The following CDH8 variants were observed in gnomAD, a reference collection of about 807,000 sequenced individuals.
The protein encoded by CDH8 is cadherin-8.
A neutral mutation model predicts 68.1 loss-of-function variants in CDH8; 17 were observed. The observed-to-expected ratio is 0.25, with a 90% CI of 0.17 to 0.37. The LOEUF (loss-of-function observed/expected upper bound fraction) is 0.37, where lower values mean the gene tolerates loss of function less well. CDH8 is among the 10% of genes least tolerant of loss of function. CDH8 has a pLI of 1.00. For synonymous variants in CDH8, 372 were observed against 365.1 expected (o/e 1.02, Z -0.21); for missense variants, 763 against 999.3 (o/e 0.76, Z 3.19).
At chr16:61,690,240 G>C (rs1197349677) in intron 10 of CDH8, among the ~76,000 whole-genome samples, 1 of 152,038 alleles carries the variant, frequency 6.6e-6, no homozygotes, top group Non-Finnish European at 1.5e-5. Flanking sequence ...TCTAAAGATA[G>C]ATTCTAAAGG....
At chr16:61,697,336 C>G (rs1415136120) in intron 10 of CDH8, among the ~76,000 whole-genome samples, 1 of 152,080 alleles carries the variant, frequency 6.6e-6, no homozygotes, top group Non-Finnish European at 1.5e-5. Context: ...ACATGTCACC[C>G]TTATGCAGAC....
chr16:61,769,831 T>C (rs1318854696), intron 8 of CDH8, among the ~76,000 whole-genome samples: 1 of 151,940 alleles, frequency 6.6e-6, no homozygotes, highest in Non-Finnish European at 1.5e-5. Flanking sequence ...TATTCTATGA[T>C]TGCTATTTTT....
chr16:61,695,916 T>A (rs1180816210), intron 10 of CDH8, among the ~76,000 whole-genome samples: 1 of 152,120 alleles, frequency 6.6e-6, no homozygotes, highest in Non-Finnish European at 1.5e-5. Context: ...CAAATTTTGA[T>A]CTATCTGTAG....
chr16:61,921,133 T>G, intron 2 of CDH8, among the ~76,000 whole-genome samples: 1 of 144,080 alleles, frequency 6.9e-6, no homozygotes, highest in African/African-American at 2.5e-5. Context: ...AGGGATAGCA[T>G]TGGGAGATAT....
intron 8 of CDH8, among the ~76,000 whole-genome samples, chr16:61,777,631 G>A (rs1006906572): frequency 5.3e-5 from 8 of 152,270 alleles, no homozygotes; most frequent in Non-Finnish European, 1.0e-4. Flanking sequence ...GAAAGGAAGA[G>A]GTGGTGGGAG....
chr16:61,814,013 GT>G (rs1159852414), intron 7 of CDH8, among the ~76,000 whole-genome samples: 1 of 152,216 alleles, frequency 6.6e-6, no homozygotes, highest in East Asian at 1.9e-4. Flanking sequence ...TAAGTTTTAG[GT>G]TCTTAATTTG....
chr16:61,666,933 C>A (rs1963691391), intron 10 of CDH8, among the ~76,000 whole-genome samples: 2 of 151,962 alleles, frequency 1.3e-5, no homozygotes, highest in African/African-American at 2.4e-5. Context: ...ATTATAGCAT[C>A]CACACTTCAT....
At position 61,652,227 on chromosome 16, in the gene CDH8, T is replaced by C. The variant is rs909718910; in HGVS notation, c.*1381A>G. ...CACATCTTCTAGTGCTGTTCCTTTT[T>C]GGAGTCTAAGACATTCTGTGCATCA... On this transcript the variant is annotated 3_prime_UTR_variant, in exon 12 of 12. Coordinates refer to ENST00000577390, the MANE Select transcript of CDH8 (RefSeq NM_001796.5). The C allele has an allele frequency of 2.0e-6, 2 of 983,684 alleles. No individual in the cohort carries two copies. The highest frequency in any genetic ancestry group is 6.2e-5 in the Admixed American group (1 of 16,254). 60.9% of individuals were successfully genotyped at this position (983,684 alleles called of 1,614,324 possible).
chr16:61,852,746 T>C (rs931913472), intron 4 of CDH8, among the ~76,000 whole-genome samples: 10 of 151,848 alleles, frequency 6.6e-5, no homozygotes, highest in Non-Finnish European at 1.2e-4. Flanking sequence ...GTGGCAAGCT[T>C]TTCTCTTTCT....
chr16:61,929,942 C>T (rs1964514446), intron 2 of CDH8, among the ~76,000 whole-genome samples: 1 of 152,052 alleles, frequency 6.6e-6, no homozygotes, highest in Non-Finnish European at 1.5e-5. Context: ...ATGTCAATTA[C>T]ATGACTCAGC....
chr16:61,689,831 A>T (rs1264243926), intron 10 of CDH8, among the ~76,000 whole-genome samples: 1 of 150,970 alleles, frequency 6.6e-6, no homozygotes, highest in Non-Finnish European at 1.5e-5. Context: ...TTACTAATAC[A>T]TTTTTTTTTC....
intron 8 of CDH8, among the ~76,000 whole-genome samples, chr16:61,765,200 T>C (rs1223235785): frequency 6.6e-6 from 1 of 152,050 alleles, no homozygotes; most frequent in Non-Finnish European, 1.5e-5. Context: ...ATTAAGTGCA[T>C]AAATCAAATT....
At chr16:61,733,417 G>T (rs1959588679) in intron 8 of CDH8, among the ~76,000 whole-genome samples, 1 of 151,726 alleles carries the variant, frequency 6.6e-6, no homozygotes, top group Non-Finnish European at 1.5e-5. Context: ...TATGCTGTAG[G>T]ATTTGACATC....
At chr16:61,887,887 G>A (rs1381174602) in intron 3 of CDH8, among the ~76,000 whole-genome samples, 3 of 152,104 alleles carry the variant, frequency 2.0e-5, no homozygotes, top group African/African-American at 7.2e-5. Flanking sequence ...TCTACACAGT[G>A]TTTTACATGT....
At chr16:61,694,139 T>C (rs1367792561) in intron 10 of CDH8, among the ~76,000 whole-genome samples, 2 of 152,144 alleles carry the variant, frequency 1.3e-5, no homozygotes, top group African/African-American at 2.4e-5. Flanking sequence ...AATTGACTTT[T>C]GTTTGTTTGT....
chr16:61,718,701 C>A (rs1596896235), intron 9 of CDH8, among the ~76,000 whole-genome samples: 1 of 151,138 alleles, frequency 6.6e-6, no homozygotes, highest in African/African-American at 2.4e-5. Flanking sequence ...CATGAATGAG[C>A]TTTATATGGC....
chr16:61,897,818 A>AAT (rs1240071047), intron 3 of CDH8, among the ~76,000 whole-genome samples: 11 of 152,112 alleles, frequency 7.2e-5, no homozygotes, highest in Non-Finnish European at 1.5e-5. Context: ...AAAAAAGTGA[A>AAT]ATATATATAT....
chr16:61,702,062 T>C (rs1475802787), intron 10 of CDH8, among the ~76,000 whole-genome samples: 1 of 152,136 alleles, frequency 6.6e-6, no homozygotes, highest in Non-Finnish European at 1.5e-5. Context: ...CACTGTTGTC[T>C]TCCTAAGAAT....
At chr16:61,690,808 C>T (rs1189408545) in intron 10 of CDH8, among the ~76,000 whole-genome samples, 1 of 151,968 alleles carries the variant, frequency 6.6e-6, no homozygotes, top group Non-Finnish European at 1.5e-5. Flanking sequence ...TTTTTCCTAA[C>T]AAGTATAGTT....
Sources: allele counts gnomAD v4.1 joint callset (sites outside exome capture counted in the v4.1 genomes callset), GRCh38; gene constraint gnomAD v4.1.1; transcripts MANE v1.5; gene names NCBI Gene and HGNC (gene_info 2026-07-23, HGNC 2026-07-21).